The following PITPNC1 variants were observed in gnomAD, a reference collection of about 807,000 sequenced individuals.
PITPNC1 encodes the protein cytoplasmic phosphatidylinositol transfer protein 1.
A neutral mutation model predicts 44.7 loss-of-function variants in PITPNC1; 18 were observed. That is an observed-to-expected ratio of 0.40 (90% CI 0.28 to 0.60). The LOEUF (loss-of-function observed/expected upper bound fraction) is 0.60, where lower values mean the gene tolerates loss of function less well. PITPNC1 is among the 20% of genes least tolerant of loss of function. The pLI is 0.39. For synonymous variants in PITPNC1, 141 were observed against 149.6 expected, an observed-to-expected ratio of 0.94 and a Z score of 0.42; for missense variants, 290 against 418.4, an observed-to-expected ratio of 0.69 and a Z score of 2.68.
chr17:67,492,496 C>T (rs1300573353), intron 1 of PITPNC1, among the ~76,000 whole-genome samples: 3 of 152,176 alleles, frequency 2.0e-5, no homozygotes, highest in African/African-American at 7.2e-5. Flanking sequence ...CCTGGCCCTG[C>T]TGACACCTTG....
rs149483227 is a variant in PITPNC1, at chr17:67,625,245, C to T, written c.367-6898C>T. ...TGATATAGGAAAAGTGCCTCCGTGA[C>T]CTCCCACACCCAGGTCCCATCTCAG... On this transcript the variant is annotated intron_variant, in intron 5 of 8. Coordinates refer to ENST00000581322, the MANE Select transcript of PITPNC1 (RefSeq NM_012417.4). Among the ~76,000 whole-genome samples, 307 of 152,272 alleles carry T rather than the reference C, an allele frequency of 2.0e-3. 1 individual carries two copies. Among genetic ancestry groups the T allele is most frequent in the South Asian group, 3.5e-3 (17 of 4,826 alleles).
intron 6 of PITPNC1, among the ~76,000 whole-genome samples, chr17:67,654,890 C>T (rs1724425594): frequency 6.6e-6 from 1 of 152,162 alleles, no homozygotes; most frequent in Non-Finnish European, 1.5e-5. Flanking sequence ...GCCTCATCCT[C>T]CCAAAGTGCT....
chr17:67,425,378 G>A (rs1156307262), intron 1 of PITPNC1, among the ~76,000 whole-genome samples: 2 of 151,432 alleles, frequency 1.3e-5, no homozygotes, highest in Non-Finnish European at 2.9e-5. Context: ...CCTTGCTATG[G>A]GCAAGGGTTG....
At chr17:67,575,787 TTTCTTTCCTTCTTTCTTTC>T (rs2041133839) in intron 4 of PITPNC1, among the ~76,000 whole-genome samples, 4 of 91,462 alleles carry the variant, frequency 4.4e-5, no homozygotes, top group African/African-American at 3.7e-5. Context: ...CTTTCTTTTC[TTTCTTTCCTTCTTTCTTTC>T]TTTCTTTCTT....
At chr17:67,502,224 TCC>T (rs1476895919) in intron 1 of PITPNC1, among the ~76,000 whole-genome samples, 1 of 152,082 alleles carries the variant, frequency 6.6e-6, no homozygotes, top group African/African-American at 2.4e-5. Flanking sequence ...TATGAATTAT[TCC>T]TTAGTGCTCT....
chr17:67,451,517 T>G (rs554185508), intron 1 of PITPNC1, among the ~76,000 whole-genome samples: 1 of 152,314 alleles, frequency 6.6e-6, no homozygotes, highest in African/African-American at 2.4e-5. Flanking sequence ...GGTCAGTTCT[T>G]GCTCTTACCC....
intron 2 of PITPNC1, among the ~76,000 whole-genome samples, chr17:67,534,030 G>A (rs1007428255): frequency 6.6e-6 from 1 of 151,962 alleles, no homozygotes; most frequent in Non-Finnish European, 1.5e-5. Context: ...GAGTAGCTGG[G>A]ATTACAGGTA....
chr17:67,613,178 C>T (rs2041710824), intron 5 of PITPNC1: 1 of 152,150 alleles, frequency 6.6e-6, no homozygotes, highest in Non-Finnish European at 1.5e-5. Context: ...GCCTGGGCAG[C>T]AAGAGCGATC....
At chr17:67,500,990 A>C (rs11079694) in intron 1 of PITPNC1, among the ~76,000 whole-genome samples, 70,637 of 151,864 alleles carry the variant, frequency 0.47, 16,544 homozygotes, top group East Asian at 0.63. Context: ...GCACCTGGCC[A>C]AAAGAAAGAT....
intron 5 of PITPNC1, among the ~76,000 whole-genome samples, chr17:67,616,846 G>A (rs1263348975): frequency 6.6e-6 from 1 of 152,038 alleles, no homozygotes; most frequent in Admixed American, 6.5e-5. Context: ...GTTCGTCAGC[G>A]GCTTTTTATG....
chr17:67,601,086 T>G (rs562890840), intron 5 of PITPNC1, among the ~76,000 whole-genome samples: 9 of 152,296 alleles, frequency 5.9e-5, no homozygotes, highest in African/African-American at 9.6e-5. Context: ...GTCACACAAC[T>G]GGGTGGTGGG....
chr17:67,547,620 GA>G (rs2040702330), intron 2 of PITPNC1, among the ~76,000 whole-genome samples: 2 of 152,204 alleles, frequency 1.3e-5, no homozygotes, highest in South Asian at 2.1e-4. Context: ...TTGGCCTAAT[GA>G]TGTTCAAAAC....
intron 2 of PITPNC1, among the ~76,000 whole-genome samples, chr17:67,543,257 GCAGCT>G (rs2144147611): frequency 6.6e-6 from 1 of 152,228 alleles, no homozygotes; most frequent in East Asian, 1.9e-4. Flanking sequence ...CATCAGCACC[GCAGCT>G]GCCCTGAGTA....
chr17:67,678,193 G>A (rs1238531414), intron 8 of PITPNC1, among the ~76,000 whole-genome samples: 2 of 147,726 alleles, frequency 1.4e-5, no homozygotes, highest in Non-Finnish European at 3.0e-5. Context: ...TCTAGCCTGG[G>A]TGACCGAACA....
Position 67,624,214 on chromosome 17 carries a change from C to CTTT in PITPNC1, c.367-7915_367-7913dup, listed in dbSNP as rs71139163. Reference sequence around the variant, plus strand: ...TATTTTCTTTTTCTTTCTTTCTTTTCTTTTTTTTTTTTTTTTCCTCAGGGT... The same window carrying CTTT: ...TATTTTCTTTTTCTTTCTTTCTTTTCTTTTTTTTTTTTTTTTTTTCCTCAGGGT... On this transcript the variant is annotated intron_variant, in intron 5 of 8. Coordinates refer to ENST00000581322, the MANE Select transcript of PITPNC1 (RefSeq NM_012417.4). Among the ~76,000 whole-genome samples, 87 of 127,104 alleles carry CTTT rather than the reference C, an allele frequency of 6.8e-4. 2 individuals carry two copies. Among genetic ancestry groups the CTTT allele is most frequent in the African/African-American group, 2.2e-3 (73 of 32,898 alleles). The allele number at this position is 127,104 out of a possible 152,430, so 83.4% of individuals were successfully genotyped here. A position where few individuals can be genotyped will look rare whatever the true frequency, so the allele number is the denominator to read the frequency against.
At chr17:67,668,900 T>G (rs951729351) in intron 6 of PITPNC1, among the ~76,000 whole-genome samples, 2 of 151,938 alleles carry the variant, frequency 1.3e-5, no homozygotes, top group African/African-American at 4.8e-5. Flanking sequence ...AAAGAAAAAA[T>G]TGAGACACAA....
intron 5 of PITPNC1, among the ~76,000 whole-genome samples, chr17:67,583,141 C>T (rs779949330): frequency 6.6e-6 from 1 of 152,214 alleles, no homozygotes; most frequent in Non-Finnish European, 1.5e-5. Context: ...AGAACACTCA[C>T]TTCCAGAACA....
intron 7 of PITPNC1, 69 bp downstream of exon 7, chr17:67,669,732 A>G: frequency 8.9e-7 from 1 of 1,120,690 alleles, no homozygotes; most frequent in Non-Finnish European, 1.3e-6. Context: ...ATTGGAGTCC[A>G]TGATACACAA....
chr17:67,673,905 C>G (rs368723401), intron 7 of PITPNC1, among the ~76,000 whole-genome samples: 7 of 133,592 alleles, frequency 5.2e-5, no homozygotes, highest in Admixed American at 9.0e-5. Flanking sequence ...GAGCCGAGAT[C>G]GCAGTGAGCC....
Sources: allele counts gnomAD v4.1 joint callset (sites outside exome capture counted in the v4.1 genomes callset), GRCh38; gene constraint gnomAD v4.1.1; transcripts MANE v1.5; gene names NCBI Gene and HGNC (gene_info 2026-07-23, HGNC 2026-07-21).